The following DPP6 variants were observed in gnomAD, a reference collection of about 807,000 sequenced individuals.
The protein encoded by DPP6 is dipeptidyl peptidase like 6.
Under a neutral mutation model 122.6 loss-of-function variants are expected in DPP6, and 69 were observed. The ratio of observed to expected loss-of-function variants is 0.56; its 90% CI spans 0.46 to 0.69. The LOEUF (loss-of-function observed/expected upper bound fraction) is 0.69, where lower values mean the gene tolerates loss of function less well. Ranked by LOEUF, DPP6 falls within the 30% of genes least tolerant of loss-of-function variation. DPP6 has a pLI of 0.00. For synonymous variants in DPP6, 418 were observed against 433.1 expected, an observed-to-expected ratio of 0.97 and a Z score of 0.43; for missense variants, 928 against 1,116.9, an observed-to-expected ratio of 0.83 and a Z score of 2.41.
intron 8 of DPP6, among the ~76,000 whole-genome samples, chr7:154,735,146 G>A (rs776070295): frequency 1.3e-5 from 2 of 152,294 alleles, no homozygotes; most frequent in Non-Finnish European, 2.9e-5. Context: ...TGCACTATGA[G>A]TTCCCAGTCA....
At chr7:154,684,283 C>T (rs1839464631) in intron 7 of DPP6, among the ~76,000 whole-genome samples, 1 of 152,052 alleles carries the variant, frequency 6.6e-6, no homozygotes, top group South Asian at 2.1e-4. Context: ...TCACCACACT[C>T]ATCACTCTCT....
chr7:154,480,485 G>T (rs925993995), intron 3 of DPP6, among the ~76,000 whole-genome samples: 1 of 152,158 alleles, frequency 6.6e-6, no homozygotes, highest in Non-Finnish European at 1.5e-5. Flanking sequence ...TTCCTCCTCT[G>T]CCCTGGATAC....
At chr7:154,696,012 G>A (rs1046700814) in intron 7 of DPP6, among the ~76,000 whole-genome samples, 6 of 152,214 alleles carry the variant, frequency 3.9e-5, no homozygotes, top group Non-Finnish European at 7.3e-5. Flanking sequence ...AGAGGAGGCA[G>A]GCCCTGTGGC....
intron 8 of DPP6, among the ~76,000 whole-genome samples, chr7:154,756,481 G>A (rs939087517): frequency 6.6e-6 from 1 of 152,172 alleles, no homozygotes; most frequent in Non-Finnish European, 1.5e-5. Flanking sequence ...ACCCAATGAG[G>A]GCAGCCTGCT....
chr7:153,920,563 C>CTTTTTTTTTTTTTTTTTTTTTTTT (rs61553100), intron 1 of DPP6, among the ~76,000 whole-genome samples: 3 of 88,690 alleles, frequency 3.4e-5, no homozygotes, highest in Admixed American at 1.6e-4. Context: ...TTATCTCTCT[C>CTTTTTTTTTTTTTTTTTTTTTTTT]TTTTTTTTTT....
At chr7:154,239,463 T>C (rs1801431761) in intron 1 of DPP6, among the ~76,000 whole-genome samples, 1 of 152,170 alleles carries the variant, frequency 6.6e-6, no homozygotes, top group East Asian at 1.9e-4. Context: ...ATCTTTATGG[T>C]GACCCACTTC....
rs572048787 is a variant in DPP6 at position 154,758,560 on chromosome 7, C to T, written c.884-10857C>T. Among the ~76,000 whole-genome samples the T allele has an allele frequency of 1.7e-3, 254 of 151,998 alleles. 2 individuals are homozygous for T. Among genetic ancestry groups the T allele is most frequent in the Middle Eastern group, 0.01 (3 of 294 alleles). ...CTAATTTTTGTATTTTTAGTAGAGA[C>T]GGGGTTTCACCATGTTGACCAGGCT... On this transcript the variant is annotated intron_variant, in intron 8 of 25. Coordinates refer to ENST00000377770, the MANE Select transcript of DPP6 (RefSeq NM_130797.4).
chr7:154,063,092 C>G (rs1305765712), intron 1 of DPP6, among the ~76,000 whole-genome samples: 3 of 133,412 alleles, frequency 2.2e-5, no homozygotes, highest in African/African-American at 2.7e-5. Flanking sequence ...TCTTCCGCCC[C>G]TGGCTGTTAG....
chr7:153,962,339 C>G (rs1795394917), intron 1 of DPP6, among the ~76,000 whole-genome samples: 1 of 152,188 alleles, frequency 6.6e-6, no homozygotes, highest in South Asian at 2.1e-4. Flanking sequence ...CTCCTTCTTC[C>G]TTTCTGAAGC....
Position 154,065,863 on chromosome 7 carries a change from A to G in DPP6, c.243+12800A>G, listed in dbSNP as rs750550404. ...CAAGGATGTCTTCTGACTGGCCTGC[A>G]TGAGGGCTTCAGGAGGTGAGTTGTT... On this transcript the variant is annotated intron_variant, in intron 1 of 25. Coordinates refer to ENST00000377770, the MANE Select transcript of DPP6 (RefSeq NM_130797.4). 4.8e-4 allele frequency among the ~76,000 whole-genome samples: 73 copies of G among 151,978 alleles called. 1 individual carries two copies. Among genetic ancestry groups the G allele is most frequent in the South Asian group, 1.0e-3 (5 of 4,812 alleles).
chr7:154,621,332 C>T (rs1234034724), intron 5 of DPP6, among the ~76,000 whole-genome samples: 1 of 152,114 alleles, frequency 6.6e-6, no homozygotes, highest in African/African-American at 2.4e-5. Context: ...TCCTTTTCAA[C>T]ATTGATTTTG....
chr7:154,492,354 A>T (rs1395773140), intron 3 of DPP6, among the ~76,000 whole-genome samples: 3 of 152,184 alleles, frequency 2.0e-5, no homozygotes, highest in Non-Finnish European at 2.9e-5. Flanking sequence ...CCAAATCCCA[A>T]CAACTGCAAC....
chr7:154,359,628 A>G (rs938052294), intron 1 of DPP6, among the ~76,000 whole-genome samples: 2 of 152,128 alleles, frequency 1.3e-5, no homozygotes. Flanking sequence ...ATTTGTTTCC[A>G]CCAAGATACT....
chr7:154,148,020 G>A (rs1198758489), intron 1 of DPP6, among the ~76,000 whole-genome samples: 11 of 150,504 alleles, frequency 7.3e-5, no homozygotes, highest in South Asian at 4.2e-4. Flanking sequence ...GGTGGATCAC[G>A]TCCGAGACCA....
intron 1 of DPP6, among the ~76,000 whole-genome samples, chr7:153,953,526 A>T (rs1802317348): frequency 6.6e-6 from 1 of 152,134 alleles, no homozygotes; most frequent in South Asian, 2.1e-4. Flanking sequence ...GACGTAGGGG[A>T]TAAAGAGGGA....
chr7:154,864,222 G>A (rs372991057), intron 17 of DPP6, among the ~76,000 whole-genome samples: 33 of 152,184 alleles, frequency 2.2e-4, no homozygotes, highest in East Asian at 7.7e-4. Context: ...TTTTAGATCC[G>A]TTGCCTATTG....
At chr7:154,740,040 A>G (rs1473221471) in intron 8 of DPP6, among the ~76,000 whole-genome samples, 1 of 152,248 alleles carries the variant, frequency 6.6e-6, no homozygotes, top group African/African-American at 2.4e-5. Flanking sequence ...TCAGTAATAA[A>G]TCTAAAGGGA....
intron 7 of DPP6, among the ~76,000 whole-genome samples, chr7:154,726,123 C>T (rs1299608083): frequency 6.6e-6 from 1 of 152,200 alleles, no homozygotes; most frequent in Non-Finnish European, 1.5e-5. Flanking sequence ...CATTGAGTGC[C>T]TGGGGCTTTT....
At chr7:154,260,229 G>T (rs1453688593) in intron 1 of DPP6, among the ~76,000 whole-genome samples, 1 of 152,180 alleles carries the variant, frequency 6.6e-6, no homozygotes, top group Non-Finnish European at 1.5e-5. Context: ...TTTATCCTCA[G>T]TTCCGTGGAA....
Sources: allele counts gnomAD v4.1 joint callset (sites outside exome capture counted in the v4.1 genomes callset), GRCh38; gene constraint gnomAD v4.1.1; transcripts MANE v1.5; gene names NCBI Gene and HGNC (gene_info 2026-07-23, HGNC 2026-07-21).